Variants in RBP2 observed in about 807,000 individuals in gnomAD.
RBP2 encodes retinol binding protein 2, also known as retinol-binding protein 2.
In RBP2, 17 loss-of-function variants were observed where a neutral mutation model predicts 17.0. The ratio of observed to expected loss-of-function variants is 1.00; its 90% CI spans 0.68 to 1.50. The LOEUF (loss-of-function observed/expected upper bound fraction) is 1.50, where lower values mean the gene tolerates loss of function less well. Among genes scored for constraint, RBP2 ranks in the 40% most tolerant of loss-of-function variants. The pLI, the probability that RBP2 is intolerant of heterozygous loss-of-function variation, is 0.00. For synonymous variants in RBP2, 48 were observed against 57.1 expected (o/e 0.84, Z 0.72); for missense variants, 158 against 168.2 (o/e 0.94, Z 0.33).
At chr3:139,460,069 G>T (rs536793445) in intron 2 of RBP2, among the ~76,000 whole-genome samples, 1 of 152,276 alleles carries the variant, frequency 6.6e-6, no homozygotes, top group African/African-American at 2.4e-5. Flanking sequence ...ACCATCAAAG[G>T]TCACAAAGGA....
At chr3:139,468,062 A>T (rs1295813927) in intron 1 of RBP2, among the ~76,000 whole-genome samples, 1 of 152,236 alleles carries the variant, frequency 6.6e-6, no homozygotes, top group East Asian at 1.9e-4. Flanking sequence ...ACCATAGGTC[A>T]TCTGTTAACC....
chr3:139,472,403 A>G lies in RBP2; in HGVS notation c.73+3984T>C, dbSNP rs534168412. ...TGGGGTCTATGTCCCTTTTCCTTGA[A>G]TGCAGGCAGGCTTGTACCACTTCAA... is the stretch of plus-strand genomic sequence containing the variant. On this transcript the variant is annotated intron_variant, in intron 1 of 3. Coordinates refer to ENST00000232217, the MANE Select transcript of RBP2 (RefSeq NM_004164.3). Among the ~76,000 whole-genome samples the G allele has an allele frequency of 9.8e-5, 15 of 152,340 alleles. 1 individual carries two copies. The South Asian group carries it at 3.1e-3, about 32-fold the overall frequency.
Position 139,476,452 on chromosome 3 carries a change from C to G in RBP2, c.8G>C (p.Arg3Thr). The change falls in exon 1 of 4, where the codon AGG becomes ACG. Residue 3 changes from arginine (R) to threonine (T), a missense_variant. Arg to Thr is a moderately conservative substitution (Grantham distance 71, BLOSUM62 -1). Transcript: ENST00000232217. MT[R>T]DQNGTWEMES... ...CATCTCCCAGGTTCCATTCTGGTCCCTTGTCATGGTGGTGGCCACTGGTTC... is the reference window on the plus strand; with the variant it reads ...CATCTCCCAGGTTCCATTCTGGTCCGTTGTCATGGTGGTGGCCACTGGTTC... 1 of 1,613,958 alleles carries G rather than the reference C, an allele frequency of 6.2e-7. No individual in the cohort carries two copies. The highest frequency in any genetic ancestry group is 1.1e-5 in the South Asian group (1 of 91,064).
At chr3:139,469,679 GTCTGTCTGTCTATCTATCTA>G (rs1401902638) in intron 1 of RBP2, among the ~76,000 whole-genome samples, 2 of 130,834 alleles carry the variant, frequency 1.5e-5, no homozygotes, top group African/African-American at 5.7e-5. Flanking sequence ...CTGTCTGTCT[GTCTGTCTGTCTATCTATCTA>G]TCTATCTATC....
intron 1 of RBP2, among the ~76,000 whole-genome samples, chr3:139,467,673 G>A (rs1041109924): frequency 6.6e-6 from 1 of 152,144 alleles, no homozygotes; most frequent in African/African-American, 2.4e-5. Flanking sequence ...CATATGCAGT[G>A]CACATTGCCG....
rs1576417582 is a variant in RBP2 at position 139,452,959 on chromosome 3, A to G, written c.*157T>C. Reference sequence around the variant, plus strand: ...GGTTTCAAAGGAGGGGAATATGTCTATCACTGCTACATAGGCATTCTGTTT... The same window carrying G: ...GGTTTCAAAGGAGGGGAATATGTCTGTCACTGCTACATAGGCATTCTGTTT... On this transcript the variant is annotated 3_prime_UTR_variant, in exon 4 of 4. Transcript: ENST00000232217. 2 of 724,442 alleles carry G rather than the reference A, an allele frequency of 2.8e-6. No homozygotes were observed. Among genetic ancestry groups the G allele is most frequent in the South Asian group, 3.4e-5 (2 of 58,632 alleles). The allele number at this position is 724,442 out of a possible 1,614,324, so 44.9% of individuals were successfully genotyped here.
In RBP2 at chr3:139,458,398, C is replaced by T. The variant is rs111768523; in HGVS notation, c.253-3568G>A. ...TCAGAATGGCATTATTGGCTCTAACCGCCATTGTCTTCCCTGCTTTTCCCT... is the reference window on the plus strand; with the variant it reads ...TCAGAATGGCATTATTGGCTCTAACTGCCATTGTCTTCCCTGCTTTTCCCT... On this transcript the variant is annotated intron_variant, in intron 2 of 3. Transcript: ENST00000232217. Among the ~76,000 whole-genome samples, 361 of 152,286 alleles carry T rather than the reference C, an allele frequency of 2.4e-3. 2 individuals carry two copies. Among genetic ancestry groups the T allele is most frequent in the Non-Finnish European group, 5.3e-4 (36 of 68,010 alleles).
intron 1 of RBP2, 134 bp from the exon 2 acceptor site, chr3:139,462,424 A>C (rs1048782151): frequency 2.1e-6 from 2 of 950,618 alleles, no homozygotes; most frequent in Admixed American, 4.4e-5. Context: ...GTGGGAAACA[A>C]GCATCTTACT....
At chr3:139,455,450 A>T (rs1576418981) in intron 2 of RBP2, among the ~76,000 whole-genome samples, 1 of 152,346 alleles carries the variant, frequency 6.6e-6, no homozygotes, top group East Asian at 1.9e-4. Context: ...AAGATCAAAG[A>T]GTTTGATAAT....
chr3:139,465,901 T>C (rs1363497399), intron 1 of RBP2, among the ~76,000 whole-genome samples: 1 of 152,152 alleles, frequency 6.6e-6, no homozygotes, highest in East Asian at 1.9e-4. Context: ...TCACATAGCC[T>C]GTGAGGCATG....
At chr3:139,460,923 A>G (rs1005182714) in intron 2 of RBP2, among the ~76,000 whole-genome samples, 5 of 152,214 alleles carry the variant, frequency 3.3e-5, no homozygotes, top group Non-Finnish European at 4.4e-5. Context: ...GCATGGGCAT[A>G]GACAGTGAAC....
chr3:139,452,921 C>T lies in RBP2; in HGVS notation c.*195G>A. ...AAATATGGGAGTAATTTTTGTTTTT[C>T]CATTTAATGCTAGGTTTCAAAGGAG... is the stretch of plus-strand genomic sequence containing the variant. On this transcript the variant is annotated 3_prime_UTR_variant, in exon 4 of 4. Coordinates refer to ENST00000232217, the MANE Select transcript of RBP2 (RefSeq NM_004164.3). 5.1e-6 allele frequency: 3 copies of T among 591,918 alleles called. No homozygotes were observed. Among genetic ancestry groups the T allele is most frequent in the Admixed American group, 3.0e-5 (1 of 33,784 alleles). The allele number at this position is 591,918 out of a possible 1,614,324, so 36.7% of individuals were successfully genotyped here.
At chr3:139,475,524 A>G (rs1333009811) in intron 1 of RBP2, among the ~76,000 whole-genome samples, 1 of 151,906 alleles carries the variant, frequency 6.6e-6, no homozygotes. Context: ...CTCTAACTCC[A>G]CCCACTGCCG....
chr3:139,469,574 T>A (rs1454895427), intron 1 of RBP2, among the ~76,000 whole-genome samples: 1 of 152,170 alleles, frequency 6.6e-6, no homozygotes, highest in African/African-American at 2.4e-5. Context: ...GTAGAGACTT[T>A]GGCAACGTGT....
chr3:139,462,797 G>C (rs1302867789), intron 1 of RBP2, among the ~76,000 whole-genome samples: 1 of 152,126 alleles, frequency 6.6e-6, no homozygotes, highest in Non-Finnish European at 1.5e-5. Flanking sequence ...ACAGCAGACT[G>C]TTCTGCCTCA....
In RBP2 at chr3:139,459,400, A is replaced by ATATATATGTGTGTGTGTGTG. The variant is rs111417242; in HGVS notation, c.252+2711_252+2712insCACACACACACACATATATA. 3.4e-3 allele frequency among the ~76,000 whole-genome samples: 431 copies of ATATATATGTGTGTGTGTGTG among 128,552 alleles called. 2 individuals carry two copies. Among genetic ancestry groups the ATATATATGTGTGTGTGTGTG allele is most frequent in the Non-Finnish European group, 5.6e-3 (353 of 62,768 alleles). 84.3% of individuals were successfully genotyped at this position (128,552 alleles called of 152,430 possible). ...GTGAAACCCTGTTTCTACTATATAT[A>ATATATATGTGTGTGTGTGTG]TGTGTGTGTGTGTGTGTGTGTGTGT... On this transcript the variant is annotated intron_variant, in intron 2 of 3. Coordinates refer to ENST00000232217, the MANE Select transcript of RBP2 (RefSeq NM_004164.3).
chr3:139,457,578 C>T (rs144666561), intron 2 of RBP2, among the ~76,000 whole-genome samples: 1 of 152,248 alleles, frequency 6.6e-6, no homozygotes, highest in Non-Finnish European at 1.5e-5. Context: ...ATAATACTTA[C>T]AATATTATAG....
chr3:139,466,058 AT>A (rs932199442), intron 1 of RBP2, among the ~76,000 whole-genome samples: 1 of 152,194 alleles, frequency 6.6e-6, no homozygotes, highest in African/African-American at 2.4e-5. Context: ...GGTCAAAAAA[AT>A]GGGCTCACGA....
Position 139,453,144 on chromosome 3 carries a change from A to G in RBP2, c.377T>C (p.Val126Ala), listed in dbSNP as rs1380475087. 6.2e-7 allele frequency: 1 copy of G among 1,614,130 alleles called. No individual in the cohort carries two copies. The highest frequency in any genetic ancestry group is 8.5e-7 in the Non-Finnish European group (1 of 1,180,028). Residue 126 changes from valine to alanine, a missense_variant, in exon 4 of 4, where the codon GTG (valine) becomes GCG (alanine). Transcript: ENST00000232217. ...TTTCTTTTTGAACACTTGACGGCAC[A>G]CCTGGTCACCACAGGTCAGCTCCTG... ...LYLELTCGDQ[V>A]CRQVFKKK
Sources: gnomAD v4.1 joint callset for allele counts (sites outside exome capture counted in the v4.1 genomes callset) on GRCh38, gnomAD v4.1.1 for gene constraint, MANE v1.5 for transcripts, NCBI Gene and HGNC (gene_info 2026-07-23, HGNC 2026-07-21) for gene names.